ARID2: variants seen among roughly 807,000 people sequenced by gnomAD.
ARID2 encodes the protein AT-rich interactive domain-containing protein 2.
A neutral mutation model predicts 184.6 loss-of-function variants in ARID2; 32 were observed. That is an observed-to-expected ratio of 0.17 (90% CI 0.13 to 0.23). The LOEUF is 0.23. ARID2 is among the 10% of genes least tolerant of loss of function. The pLI, the probability that ARID2 is intolerant of heterozygous loss-of-function variation, is 1.00. For missense variants in ARID2, 1,696 were observed against 2,197.6 expected (o/e 0.77, Z 4.56); for synonymous variants, 836 against 772.6 (o/e 1.08, Z -1.36).
At chr12:45,820,224 T>G (rs901282330) in intron 5 of ARID2, among the ~76,000 whole-genome samples, 1 of 152,222 alleles carries the variant, frequency 6.6e-6, no homozygotes, top group Non-Finnish European at 1.5e-5. Context: ...ATCTGTTCTT[T>G]ATATTATTTC....
chr12:45,811,344 A>C, intron 3 of ARID2, 74 bp from the exon 4 acceptor site: 1 of 1,436,286 alleles, frequency 7.0e-7, no homozygotes, highest in Non-Finnish European at 9.3e-7. Flanking sequence ...AAAGGAAAAC[A>C]AATATGTGGT....
At chr12:45,904,494 C>G in intron 20 of ARID2, 1 of 506,444 alleles carries the variant, frequency 2.0e-6, no homozygotes, top group Non-Finnish European at 3.5e-6. Context: ...AGATCGAGAC[C>G]GTCCTGGCCA....
intron 3 of ARID2, among the ~76,000 whole-genome samples, chr12:45,780,831 G>C (rs537468318): frequency 6.6e-6 from 1 of 152,086 alleles, no homozygotes; most frequent in Non-Finnish European, 1.5e-5. Context: ...TGTTGGCCAG[G>C]CTGTTCTCGA....
intron 3 of ARID2, among the ~76,000 whole-genome samples, chr12:45,753,308 A>C (rs1471268263): frequency 1.3e-5 from 2 of 152,142 alleles, no homozygotes; most frequent in Non-Finnish European, 2.9e-5. Context: ...AAAAAAAAAA[A>C]AAGTGTTTCC....
chr12:45,881,273 C>T, intron 16 of ARID2: 1 of 156,936 alleles, frequency 6.4e-6, no homozygotes, highest in Non-Finnish European at 1.4e-5. Flanking sequence ...TTCTCTTTTG[C>T]CCAGCTAAAG....
At chr12:45,740,131 A>G (rs1047002457) in intron 3 of ARID2, among the ~76,000 whole-genome samples, 4 of 152,210 alleles carry the variant, frequency 2.6e-5, no homozygotes, top group Non-Finnish European at 5.9e-5. Flanking sequence ...ACCATTAAAG[A>G]GTCAAACTTT....
intron 11 of ARID2, 26 bp from the exon 12 acceptor site, chr12:45,846,830 T>C: frequency 2.5e-6 from 4 of 1,607,010 alleles, no homozygotes; most frequent in Non-Finnish European, 3.4e-6. Flanking sequence ...TAAGAAATGA[T>C]GTAGCTAATG....
At position 45,815,129 on chromosome 12, in the gene ARID2, C is replaced by T. The variant is rs557283366; in HGVS notation, c.419-2541C>T. On this transcript the variant is annotated intron_variant, in intron 4 of 20. Transcript: ENST00000334344. Reference sequence around the variant, plus strand: ...ATTGAAAACATAAACTTTAGGACTGCGACAGATAAGGAATACGGGTTCCAC... The same window carrying T: ...ATTGAAAACATAAACTTTAGGACTGTGACAGATAAGGAATACGGGTTCCAC... 9.5e-4 allele frequency among the ~76,000 whole-genome samples: 144 copies of T among 152,104 alleles called. 1 individual carries two copies. Among genetic ancestry groups the T allele is most frequent in the African/African-American group, 3.3e-3 (135 of 41,486 alleles).
At chr12:45,800,777 A>T (rs983952340) in intron 3 of ARID2, among the ~76,000 whole-genome samples, 3 of 152,112 alleles carry the variant, frequency 2.0e-5, no homozygotes, top group Non-Finnish European at 4.4e-5. Context: ...TGATAAGGAC[A>T]CATCAAAAGT....
chr12:45,865,025 T>C (rs976884637), intron 16 of ARID2, among the ~76,000 whole-genome samples: 3 of 152,194 alleles, frequency 2.0e-5, no homozygotes, highest in Admixed American at 1.3e-4. Context: ...TTTCAGTCAA[T>C]TGAGGTTATG....
intron 3 of ARID2, among the ~76,000 whole-genome samples, chr12:45,783,114 A>G (rs1444254650): frequency 6.6e-6 from 1 of 151,974 alleles, no homozygotes; most frequent in Non-Finnish European, 1.5e-5. Context: ...ACCCTGGATG[A>G]CAGAGTAAGA....
At chr12:45,820,081 G>A (rs1942872487) in intron 5 of ARID2, among the ~76,000 whole-genome samples, 1 of 152,022 alleles carries the variant, frequency 6.6e-6, no homozygotes, top group Admixed American at 6.6e-5. Flanking sequence ...TCAGGACAAA[G>A]AAAACTTTGT....
chr12:45,788,434 C>T (rs768714014), intron 3 of ARID2, among the ~76,000 whole-genome samples: 3 of 152,112 alleles, frequency 2.0e-5, no homozygotes, highest in Admixed American at 6.6e-5. Context: ...TCCATATTTA[C>T]ACTGTTTAAG....
At chr12:45,749,467 T>C (rs1941419106) in intron 3 of ARID2, among the ~76,000 whole-genome samples, 1 of 152,200 alleles carries the variant, frequency 6.6e-6, no homozygotes, top group South Asian at 2.1e-4. Flanking sequence ...TTCAGAATGG[T>C]CATTGAGCAT....
At chr12:45,740,804 A>G (rs926727261) in intron 3 of ARID2, among the ~76,000 whole-genome samples, 1 of 152,094 alleles carries the variant, frequency 6.6e-6, no homozygotes, top group Non-Finnish European at 1.5e-5. Flanking sequence ...GTGATGTTAC[A>G]TTTTGAACTA....
chr12:45,889,719 C>T (rs1049982128), intron 16 of ARID2, among the ~76,000 whole-genome samples: 3 of 152,234 alleles, frequency 2.0e-5, no homozygotes, highest in Admixed American at 6.5e-5. Context: ...GCGGGTGGAT[C>T]ACAAGGTCAG....
At chr12:45,734,881 C>CT (rs1311540827) in intron 3 of ARID2, among the ~76,000 whole-genome samples, 1 of 152,078 alleles carries the variant, frequency 6.6e-6, no homozygotes, top group Non-Finnish European at 1.5e-5. Context: ...AATATTACAG[C>CT]TATAGTCAAG....
chr12:45,790,516 G>C (rs969531117), intron 3 of ARID2, among the ~76,000 whole-genome samples: 1 of 151,772 alleles, frequency 6.6e-6, no homozygotes, highest in Non-Finnish European at 1.5e-5. Context: ...TCTTTGTAAG[G>C]GTCCTGTACA....
intron 20 of ARID2, among the ~76,000 whole-genome samples, chr12:45,899,671 T>TTATATATATATGGTTATATA (rs375466100): frequency 0.012 from 553 of 45,074 alleles, 14 homozygotes; most frequent in East Asian, 0.075. Context: ...ATATATATGG[T>TTATATATATATGGTTATATA]TATATATGGT....
Sources: gnomAD v4.1 joint callset for allele counts (sites outside exome capture counted in the v4.1 genomes callset) on GRCh38, gnomAD v4.1.1 for gene constraint, MANE v1.5 for transcripts, NCBI Gene and HGNC (gene_info 2026-07-23, HGNC 2026-07-21) for gene names.